SPATA13: variants seen among roughly 807,000 people sequenced by gnomAD.
SPATA13 encodes spermatogenesis-associated protein 13.
In SPATA13, 50 loss-of-function variants were observed where a neutral mutation model predicts 104.0. That is an observed-to-expected ratio of 0.48 (90% CI 0.38 to 0.61). The LOEUF (loss-of-function observed/expected upper bound fraction) is 0.61. Ranked by LOEUF, SPATA13 falls within the 20% of genes least tolerant of loss-of-function variation. The pLI, the probability that SPATA13 is intolerant of heterozygous loss-of-function variation, is 0.00. For missense variants in SPATA13, 1,524 were observed against 1,690.6 expected (o/e 0.90, Z 1.73); for synonymous variants, 606 against 667.5 (o/e 0.91, Z 1.42).
chr13:24,037,593 A>G (rs1877747025), intron 3 of SPATA13, among the ~76,000 whole-genome samples: 6 of 152,004 alleles, frequency 3.9e-5, no homozygotes, highest in African/African-American at 2.4e-5. Flanking sequence ...TATTTTTAGT[A>G]GAGATGGAGT....
chr13:24,101,206 T>G (rs1219843935), intron 3 of SPATA13, among the ~76,000 whole-genome samples: 1 of 152,210 alleles, frequency 6.6e-6, no homozygotes, highest in Non-Finnish European at 1.5e-5. Flanking sequence ...TCTTATCCTC[T>G]CTTCTCTTTC....
At chr13:24,139,264 C>G (rs896976514) in intron 3 of SPATA13, among the ~76,000 whole-genome samples, 1 of 152,202 alleles carries the variant, frequency 6.6e-6, no homozygotes, top group Non-Finnish European at 1.5e-5. Flanking sequence ...CGGGTCCACC[C>G]TACTCCAGTA....
intron 3 of SPATA13, among the ~76,000 whole-genome samples, chr13:24,039,772 G>A (rs1877845117): frequency 1.3e-5 from 2 of 152,176 alleles, no homozygotes; most frequent in South Asian, 4.1e-4. Context: ...TTGGCTTTGT[G>A]CATTGTTTTG....
At chr13:24,291,770 G>T (rs1406324190) in intron 9 of SPATA13, among the ~76,000 whole-genome samples, 7 of 64,882 alleles carry the variant, frequency 1.1e-4, no homozygotes, top group Admixed American at 4.3e-4. Context: ...TTTTTTTTGA[G>T]ACGGAGTCTC....
intron 2 of SPATA13, among the ~76,000 whole-genome samples, chr13:24,010,487 T>A (rs529633036): frequency 3.3e-5 from 5 of 150,272 alleles, no homozygotes; most frequent in African/African-American, 1.2e-4. Flanking sequence ...TCTTTGTAGC[T>A]ACGTTATTTA....
At position 24,297,626 on chromosome 13, in the gene SPATA13, G is replaced by A. The variant is rs766714867; in HGVS notation, c.3474G>A (p.Arg1158=). ...AAAATGCCTTCAAGCTCGTCAGTAGGACCACAGACGAGGTTTATTTGTTTT... is the reference window on the plus strand; with the variant it reads ...AAAATGCCTTCAAGCTCGTCAGTAGAACCACAGACGAGGTTTATTTGTTTT... The part of the protein sequence containing the change: ...SVKNAFKLVS[R]TTDEVYLFCA... The change falls in exon 11 of 13, where the codon AGG becomes AGA. Residue 1158 remains arginine, a synonymous_variant. Transcript: ENST00000382108. The A allele has an allele frequency of 1.4e-5, 23 of 1,614,228 alleles. No individual in the cohort carries two copies. The highest frequency in any genetic ancestry group is 1.9e-5 in the Non-Finnish European group (23 of 1,180,046).
intron 2 of SPATA13, among the ~76,000 whole-genome samples, chr13:24,004,562 G>T (rs1014202441): frequency 1.3e-5 from 2 of 152,166 alleles, no homozygotes; most frequent in African/African-American, 4.8e-5. Flanking sequence ...TTATGAAGGT[G>T]CTCCTTCCTT....
chr13:24,282,543 C>T (rs1373735729), intron 4 of SPATA13, among the ~76,000 whole-genome samples: 1 of 152,058 alleles, frequency 6.6e-6, no homozygotes, highest in Non-Finnish European at 1.5e-5. Context: ...TGAGCTTGGC[C>T]TCCCAACATG....
chr13:24,139,728 T>C (rs1881688600), intron 3 of SPATA13, among the ~76,000 whole-genome samples: 1 of 152,198 alleles, frequency 6.6e-6, no homozygotes, highest in Admixed American at 6.5e-5. Context: ...AGCTACATGA[T>C]GTAGAACGAT....
At chr13:24,172,762 A>T (rs138789678) in intron 1 of SPATA13, among the ~76,000 whole-genome samples, 1 of 152,186 alleles carries the variant, frequency 6.6e-6, no homozygotes, top group Non-Finnish European at 1.5e-5. Flanking sequence ...ACAGCTGCAT[A>T]CATCTTGAAA....
intron 3 of SPATA13, among the ~76,000 whole-genome samples, chr13:24,116,388 G>A (rs371010743): frequency 3.9e-5 from 6 of 152,152 alleles, no homozygotes; most frequent in East Asian, 1.9e-4. Context: ...CCTCCAAGAC[G>A]GGAGACACAG....
chr13:24,278,097 A>T (rs531586007), intron 4 of SPATA13, among the ~76,000 whole-genome samples: 3 of 152,304 alleles, frequency 2.0e-5, no homozygotes, highest in Non-Finnish European at 2.9e-5. Flanking sequence ...AGGGTTAGTG[A>T]GGGAACGGAG....
At chr13:24,194,789 A>G (rs1305683107) in intron 1 of SPATA13, among the ~76,000 whole-genome samples, 1 of 152,222 alleles carries the variant, frequency 6.6e-6, no homozygotes, top group Non-Finnish European at 1.5e-5. Flanking sequence ...AATTTAATCA[A>G]TGATTTAATC....
At chr13:24,107,397 A>G (rs1427431471) in intron 3 of SPATA13, among the ~76,000 whole-genome samples, 1 of 152,116 alleles carries the variant, frequency 6.6e-6, no homozygotes, top group African/African-American at 2.4e-5. Context: ...TGTTGTCCCA[A>G]GGAGCCCGAA....
At position 24,223,772 on chromosome 13, in the gene SPATA13, T is replaced by C; in HGVS notation, c.843T>C (p.His281=). The C allele has an allele frequency of 6.4e-7, 1 of 1,551,868 alleles. No individual in the cohort carries two copies. The highest frequency in any genetic ancestry group is 8.7e-7 in the Non-Finnish European group (1 of 1,147,028). The part of the protein sequence containing the change: ...TSNLADLRTA[H]DARVPQRTLS... ...ATCTTGCAGACCTCAGGACGGCCCA[T>C]GACGCACGGGTACCACAGAGGACCC... is the stretch of plus-strand genomic sequence containing the variant. Residue 281 remains histidine, a synonymous_variant, in exon 2 of 13, where the codon CAT becomes CAC. Transcript: ENST00000382108.
chr13:24,107,000 C>T (rs575454022), intron 3 of SPATA13, among the ~76,000 whole-genome samples: 2 of 151,240 alleles, frequency 1.3e-5, no homozygotes, highest in Non-Finnish European at 2.9e-5. Context: ...TCTCTGAAAA[C>T]TATATTTCTG....
intron 1 of SPATA13, among the ~76,000 whole-genome samples, chr13:24,167,670 T>TACAC (rs370672628): frequency 2.0e-5 from 3 of 152,060 alleles, no homozygotes; most frequent in African/African-American, 7.2e-5. Context: ...AGTGCCAGTT[T>TACAC]ACACACACAC....
At chr13:24,003,689 T>G (rs754206513) in intron 2 of SPATA13, among the ~76,000 whole-genome samples, 19 of 152,250 alleles carry the variant, frequency 1.2e-4, no homozygotes, top group Non-Finnish European at 2.6e-4. Flanking sequence ...CAGAGTATTA[T>G]GACTGTAGAA....
intron 4 of SPATA13, among the ~76,000 whole-genome samples, chr13:24,281,042 G>T (rs1345100863): frequency 6.7e-6 from 1 of 148,416 alleles, no homozygotes; most frequent in African/African-American, 2.4e-5. Flanking sequence ...TGCATAGCTG[G>T]CTCCCTGCTG....
Sources: gnomAD v4.1 joint callset for allele counts (sites outside exome capture counted in the v4.1 genomes callset) on GRCh38, gnomAD v4.1.1 for gene constraint, MANE v1.5 for transcripts, NCBI Gene and HGNC (gene_info 2026-07-23, HGNC 2026-07-21) for gene names.